Variants in SVOPL observed in about 807,000 individuals in gnomAD.
SVOPL encodes the protein SVOP like.
A neutral mutation model predicts 61.0 loss-of-function variants in SVOPL; 60 were observed. That is an observed-to-expected ratio of 0.98 (90% CI 0.80 to 1.22). The LOEUF (loss-of-function observed/expected upper bound fraction) is 1.22. Among genes scored for constraint, SVOPL ranks in the 50% most tolerant of loss-of-function variants. SVOPL has a pLI of 0.00. For missense variants in SVOPL, 662 were observed against 643.9 expected (o/e 1.03, Z -0.30); for synonymous variants, 279 against 250.0 (o/e 1.12, Z -1.09).
intron 14 of SVOPL, among the ~76,000 whole-genome samples, chr7:138,598,195 CT>C (rs753107208): frequency 6.6e-6 from 1 of 152,072 alleles, no homozygotes; most frequent in Non-Finnish European, 1.5e-5. Flanking sequence ...GGAAAAAGAT[CT>C]GTTGTTAATC....
intron 14 of SVOPL, among the ~76,000 whole-genome samples, chr7:138,612,463 A>AAAAAAAT (rs1799095156): frequency 1.2e-4 from 5 of 41,706 alleles, no homozygotes; most frequent in African/African-American, 3.3e-4. Context: ...AAAAAAAAAA[A>AAAAAAAT]GAAAGATAAG....
At chr7:138,655,261 T>G (rs77060868) in intron 7 of SVOPL, among the ~76,000 whole-genome samples, 13,835 of 152,170 alleles carry the variant, frequency 0.091, 1,103 homozygotes, top group African/African-American at 0.2. Flanking sequence ...CCCAGTACTT[T>G]GGGAGGCCGA....
At chr7:138,626,145 A>T in intron 12 of SVOPL, 95 bp from the exon 13 acceptor site, 1 of 1,210,594 alleles carries the variant, frequency 8.3e-7, no homozygotes, top group Non-Finnish European at 1.2e-6. Flanking sequence ...GCTGAGATAC[A>T]ATCACAGATA....
At chr7:138,677,788 A>T (rs985680760) in intron 3 of SVOPL, among the ~76,000 whole-genome samples, 3 of 138,632 alleles carry the variant, frequency 2.2e-5, no homozygotes, top group Non-Finnish European at 4.5e-5. Flanking sequence ...TTTGAGACGC[A>T]GTCTCGCTCT....
At chr7:138,685,735 A>G (rs1305822077) in intron 1 of SVOPL, among the ~76,000 whole-genome samples, 1 of 151,638 alleles carries the variant, frequency 6.6e-6, no homozygotes, top group Admixed American at 6.6e-5. Context: ...TGGCGGGTGC[A>G]GTGGTGGGCA....
chr7:138,679,940 G>C (rs866707907), intron 1 of SVOPL, among the ~76,000 whole-genome samples: 2 of 152,086 alleles, frequency 1.3e-5, no homozygotes, highest in African/African-American at 4.8e-5. Flanking sequence ...AGACTAAATG[G>C]CTAAATTAGA....
intron 9 of SVOPL, among the ~76,000 whole-genome samples, chr7:138,642,948 G>T (rs1310239386): frequency 1.3e-5 from 2 of 151,634 alleles, no homozygotes; most frequent in African/African-American, 4.9e-5. Flanking sequence ...AAATTGAATC[G>T]TAGTTTTTTA....
intron 14 of SVOPL, among the ~76,000 whole-genome samples, chr7:138,599,959 T>G (rs544816084): frequency 2.6e-5 from 4 of 151,850 alleles, no homozygotes; most frequent in Non-Finnish European, 5.9e-5. Flanking sequence ...TGAACTTTCA[T>G]TTTTATAAAT....
At chr7:138,700,294 A>C (rs1803162038) in intron 1 of SVOPL, among the ~76,000 whole-genome samples, 1 of 149,836 alleles carries the variant, frequency 6.7e-6, no homozygotes, top group South Asian at 2.1e-4. Context: ...GGAATGCTGG[A>C]AAGGCTGAAT....
At chr7:138,598,815 A>G (rs940535749) in intron 14 of SVOPL, among the ~76,000 whole-genome samples, 3 of 152,252 alleles carry the variant, frequency 2.0e-5, no homozygotes, top group African/African-American at 4.8e-5. Context: ...CAAGAAATGT[A>G]TAAGAAAATT....
chr7:138,624,844 C>T lies in SVOPL; in HGVS notation c.1263+1125G>A, dbSNP rs538814190. On this transcript the variant is annotated intron_variant, in intron 13 of 15. Transcript: ENST00000674285. The stretch of plus-strand genomic sequence containing the variant: ...TCCCCTTCCTAAGTAGCTACAATTA[C>T]AGGTACATGCCCCCATCCCTGGCTA... Among the ~76,000 whole-genome samples, 74 of 152,156 alleles carry T rather than the reference C, an allele frequency of 4.9e-4. No homozygotes were observed. In the South Asian group the frequency reaches 6.6e-3, roughly 14 times the overall value.
At chr7:138,597,641 CGTGTGTGTGTGTGT>C (rs60875635) in intron 14 of SVOPL, among the ~76,000 whole-genome samples, 1 of 147,518 alleles carries the variant, frequency 6.8e-6, no homozygotes, top group Non-Finnish European at 1.5e-5. Context: ...ATAACGTCTG[CGTGTGTGTGTGTGT>C]GTGTGTGTGT....
chr7:138,649,265 T>C (rs549593750), intron 7 of SVOPL, 128 bp from the exon 8 acceptor site: 5 of 1,248,498 alleles, frequency 4.0e-6, no homozygotes, highest in Middle Eastern at 2.8e-4. Context: ...ATATCTTCTT[T>C]TGGGAGCCAC....
At chr7:138,672,991 A>G (rs1334222480) in intron 3 of SVOPL, among the ~76,000 whole-genome samples, 2 of 152,078 alleles carry the variant, frequency 1.3e-5, no homozygotes, top group East Asian at 3.9e-4. Flanking sequence ...GTAAAGGATC[A>G]TGAAGGATGA....
intron 1 of SVOPL, among the ~76,000 whole-genome samples, chr7:138,698,805 C>A (rs1269027734): frequency 2.6e-5 from 4 of 151,094 alleles, no homozygotes; most frequent in Non-Finnish European, 4.4e-5. Flanking sequence ...AGCCATCGAA[C>A]AAATTTTTAC....
intron 14 of SVOPL, among the ~76,000 whole-genome samples, chr7:138,617,042 C>T (rs933782513): frequency 6.6e-6 from 1 of 152,218 alleles, no homozygotes; most frequent in Non-Finnish European, 1.5e-5. Flanking sequence ...AATCTTGGCT[C>T]AGTGCAACCT....
intron 14 of SVOPL, chr7:138,597,048 C>T (rs1383298536): frequency 2.6e-6 from 3 of 1,155,234 alleles, no homozygotes; most frequent in Non-Finnish European, 3.2e-6. Flanking sequence ...GACACCAAAA[C>T]TCTTTGGTGT....
intron 14 of SVOPL, among the ~76,000 whole-genome samples, chr7:138,607,953 T>C (rs1798827977): frequency 6.6e-6 from 1 of 152,208 alleles, no homozygotes; most frequent in Non-Finnish European, 1.5e-5. Context: ...GCCTTCTAAA[T>C]ATAGATAACT....
intron 9 of SVOPL, among the ~76,000 whole-genome samples, chr7:138,630,951 G>GAAAA (rs57139655): frequency 2.6e-5 from 2 of 76,340 alleles, no homozygotes; most frequent in Non-Finnish European, 6.5e-5. Flanking sequence ...CTCAAAAAAA[G>GAAAA]AAAAAAAAAA....
Sources: gnomAD v4.1 joint callset for allele counts (sites outside exome capture counted in the v4.1 genomes callset) on GRCh38, gnomAD v4.1.1 for gene constraint, MANE v1.5 for transcripts, NCBI Gene and HGNC (gene_info 2026-07-23, HGNC 2026-07-21) for gene names.